Variants in SEPTIN6 observed in about 807,000 individuals in gnomAD.
SEPTIN6 encodes the protein septin-6.
In SEPTIN6, 8 loss-of-function variants were observed where a neutral mutation model predicts 33.6. The observed-to-expected ratio is 0.24, with a 90% CI of 0.14 to 0.43. The LOEUF (loss-of-function observed/expected upper bound fraction) is 0.43. Ranked by LOEUF, SEPTIN6 falls within the 20% of genes least tolerant of loss-of-function variation. The pLI, the probability that SEPTIN6 is intolerant of heterozygous loss-of-function variation, is 1.00. For missense variants in SEPTIN6, 250 were observed against 340.8 expected (o/e 0.73, Z 2.10); for synonymous variants, 131 against 140.0 (o/e 0.94, Z 0.45).
intron 1 of SEPTIN6, among the ~76,000 whole-genome samples, chrX:119,691,960 G>A (rs1214029112): frequency 1.8e-5 from 2 of 111,421 alleles, no homozygotes; most frequent in African/African-American, 6.5e-5. Flanking sequence ...TGGATGAATA[G>A]AATAGCTAGG....
chrX:119,689,761 C>T (rs779070593), intron 1 of SEPTIN6, among the ~76,000 whole-genome samples: 1 of 109,995 alleles, frequency 9.1e-6, no homozygotes, highest in Non-Finnish European at 1.9e-5. Flanking sequence ...GATGGAGTCT[C>T]GCTCTGTTGC....
intron 3 of SEPTIN6, 29 bp downstream of exon 3, chrX:119,663,453 A>AAACC: frequency 3.4e-6 from 1 of 293,578 alleles, no homozygotes; most frequent in Non-Finnish European, 6.0e-6. Flanking sequence ...CAACCTCCCC[A>AAACC]CCCTACCCCA....
At chrX:119,670,114 G>T (rs774503214) in intron 2 of SEPTIN6, among the ~76,000 whole-genome samples, 2 of 111,479 alleles carry the variant, frequency 1.8e-5, no homozygotes, top group African/African-American at 6.5e-5. Flanking sequence ...AGGATCAGGG[G>T]ATCCTTGAAA....
chrX:119,661,186 G>A (rs2054535665), intron 3 of SEPTIN6, among the ~76,000 whole-genome samples: 2 of 108,836 alleles, frequency 1.8e-5, no homozygotes, highest in African/African-American at 6.7e-5. Flanking sequence ...AGCACTTTGG[G>A]AGGTCAAGGA....
chrX:119,680,332 C>T (rs978180910), intron 1 of SEPTIN6, among the ~76,000 whole-genome samples: 3 of 108,732 alleles, frequency 2.8e-5, no homozygotes, highest in Non-Finnish European at 5.7e-5. Context: ...CCTCAGCCTC[C>T]GGAGTAGCTG....
intron 1 of SEPTIN6, chrX:119,686,767 G>A (rs1219051293): frequency 3.4e-6 from 1 of 292,399 alleles, no homozygotes; most frequent in East Asian, 1.0e-4. Flanking sequence ...AAGCAATATG[G>A]AGAAGAAAAA....
At chrX:119,676,963 G>A (rs889108406) in intron 1 of SEPTIN6, among the ~76,000 whole-genome samples, 1 of 111,950 alleles carries the variant, frequency 8.9e-6, no homozygotes, top group Non-Finnish European at 1.9e-5. Context: ...CCATAAAATC[G>A]GAAACTATTG....
At chrX:119,637,465 AAAG>A (rs2054080921) in intron 6 of SEPTIN6, among the ~76,000 whole-genome samples, 1 of 112,126 alleles carries the variant, frequency 8.9e-6, no homozygotes, top group South Asian at 3.7e-4. Flanking sequence ...AGAACCCTCA[AAAG>A]AATGTTTGGT....
chrX:119,618,165 ATT>A lies in SEPTIN6; in HGVS notation c.*1926_*1927del, dbSNP rs57766875. On this transcript the variant is annotated 3_prime_UTR_variant, in exon 11 of 11. Transcript: ENST00000394610. ...AGCTACTGGCTGAGTATCTGAGCAG[ATT>A]TTTTTTTTTTTTTTTTTGGTCGTTG... The A allele has an allele frequency of 1.8e-3, 1,245 of 673,774 alleles. No individual in the cohort carries two copies. The highest frequency in any genetic ancestry group is 6.3e-3 in the African/African-American group (213 of 33,632). The allele number at this position is 673,774 out of a possible 1,213,427, so 55.5% of individuals were successfully genotyped here.
chrX:119,630,115 G>A (rs1050846750), intron 8 of SEPTIN6, among the ~76,000 whole-genome samples: 3 of 111,645 alleles, frequency 2.7e-5, no homozygotes, highest in African/African-American at 6.5e-5. Context: ...GGAAGACTCC[G>A]TCTCAAAAAA....
chrX:119,654,755 G>A (rs1029690125), intron 3 of SEPTIN6, among the ~76,000 whole-genome samples: 5 of 111,007 alleles, frequency 4.5e-5, no homozygotes, highest in Admixed American at 1.9e-4. Context: ...GCAGTGGTGC[G>A]ATCTCCACTC....
chrX:119,691,974 T>TC (rs1045165416), intron 1 of SEPTIN6, among the ~76,000 whole-genome samples: 3 of 110,471 alleles, frequency 2.7e-5, no homozygotes, highest in Non-Finnish European at 5.7e-5. Flanking sequence ...AGCTAGGGTG[T>TC]CCCCCCCAAA....
intron 3 of SEPTIN6, among the ~76,000 whole-genome samples, chrX:119,656,981 G>A (rs930661564): frequency 5.5e-5 from 6 of 110,037 alleles, no homozygotes; most frequent in Non-Finnish European, 5.7e-5. Flanking sequence ...CACTTTGGGA[G>A]GCCGAGGCAG....
chrX:119,663,595 C>G lies in SEPTIN6; in HGVS notation c.228G>C (p.Gln76His), dbSNP rs199562714. 7 of 1,208,326 alleles carry G rather than the reference C, an allele frequency of 5.8e-6. No homozygotes were observed. Among genetic ancestry groups the G allele is most frequent in the Non-Finnish European group, 7.8e-6 (7 of 894,507 alleles). ...TATTAGACTGGAGCTGGACACCCGG[C>G]TGTGTGTGGGTGGCTGGCTCCCCTT... ...KFEGEPATHT[Q>H]PGVQLQSNTY... Residue 76 changes from glutamine to histidine, a missense_variant, in exon 3 of 11, where the codon CAG becomes CAC. This residue lies in a region of SEPTIN6 where 111 missense variants were observed against 113.8 expected (regional missense o/e 0.98). Transcript: ENST00000394610.
chrX:119,636,784 C>T (rs1346169836), intron 7 of SEPTIN6, among the ~76,000 whole-genome samples: 1 of 111,448 alleles, frequency 9.0e-6, no homozygotes, highest in East Asian at 2.9e-4. Context: ...TCCTCCCTTC[C>T]CTTGCCCTTA....
In SEPTIN6 at chrX:119,662,123, G is replaced by C. The variant is rs147522477; in HGVS notation, c.341+1359C>G. On this transcript the variant is annotated intron_variant, in intron 3 of 10. Transcript: ENST00000394610. ...CAGGATGTCTTTTCCTCCATCTATT[G>C]ACTTAGCATCCTGAGGTTTTTGTCT... Among the ~76,000 whole-genome samples the C allele has an allele frequency of 2.8e-3, 305 of 108,182 alleles. 2 individuals are homozygous for C. The highest frequency in any genetic ancestry group is 9.8e-3 in the African/African-American group (288 of 29,442). 93.9% of individuals were successfully genotyped at this position (108,182 alleles called of 115,157 possible). A position where few individuals can be genotyped will look rare whatever the true frequency, so the allele number is the denominator to read the frequency against.
rs367961653 is a variant in SEPTIN6, at chrX:119,686,309, C to T, written c.30+6767G>A. ...CTCCAATGTGAAAGGAAACCGAACACGACCTCACACCTCATCAGGGCCAGG... is the reference window on the plus strand; with the variant it reads ...CTCCAATGTGAAAGGAAACCGAACATGACCTCACACCTCATCAGGGCCAGG... On this transcript the variant is annotated intron_variant, in intron 1 of 10. Coordinates refer to ENST00000394610, the MANE Select transcript of SEPTIN6 (RefSeq NM_145799.4). 4.7e-3 allele frequency among the ~76,000 whole-genome samples: 519 copies of T among 111,457 alleles called. 3 individuals carry two copies. Among genetic ancestry groups the T allele is most frequent in the African/African-American group, 0.016 (490 of 30,661 alleles).
At chrX:119,673,857 AAAAAGAAAGAAAGAAAAG>A (rs1422637880) in intron 2 of SEPTIN6, among the ~76,000 whole-genome samples, 1 of 108,415 alleles carries the variant, frequency 9.2e-6, no homozygotes, top group African/African-American at 3.3e-5. Flanking sequence ...AAAAAAAAAA[AAAAAGAAAGAAAGAAAAG>A]AAAAGAAAGA....
intron 5 of SEPTIN6, among the ~76,000 whole-genome samples, chrX:119,645,810 G>A (rs1169994073): frequency 3.6e-5 from 4 of 111,512 alleles, no homozygotes; most frequent in African/African-American, 6.5e-5. Flanking sequence ...GATTACACGT[G>A]TGAGCCACTG....
Sources: allele counts gnomAD v4.1 joint callset (sites outside exome capture counted in the v4.1 genomes callset), GRCh38; gene constraint gnomAD v4.1.1; regional missense constraint gnomAD v4.1.1; transcripts MANE v1.5; gene names NCBI Gene and HGNC (gene_info 2026-07-23, HGNC 2026-07-21).